Variants in CNTN5 observed in about 807,000 individuals in gnomAD.
CNTN5 encodes the protein contactin 5, also known as contactin-5.
Under a neutral mutation model 129.1 loss-of-function variants are expected in CNTN5, and 77 were observed. That is an observed-to-expected ratio of 0.60 (90% CI 0.50 to 0.72). The LOEUF (loss-of-function observed/expected upper bound fraction) is 0.72, where lower values mean the gene tolerates loss of function less well. Ranked by LOEUF, CNTN5 falls within the 30% of genes least tolerant of loss-of-function variation. The pLI is 0.00. For missense variants in CNTN5, 1,478 were observed against 1,328.8 expected, an observed-to-expected ratio of 1.11 and a Z score of -1.75; for synonymous variants, 509 against 465.6, an observed-to-expected ratio of 1.09 and a Z score of -1.20.
chr11:99,450,281 T>C (rs919990248), intron 2 of CNTN5, among the ~76,000 whole-genome samples: 9 of 150,262 alleles, frequency 6.0e-5, no homozygotes, highest in Non-Finnish European at 8.9e-5. Flanking sequence ...TATATATATA[T>C]ATATGTTTGT....
intron 21 of CNTN5, among the ~76,000 whole-genome samples, chr11:100,336,169 T>C (rs963274327): frequency 4.6e-5 from 7 of 152,216 alleles, no homozygotes; most frequent in Admixed American, 4.6e-4. Flanking sequence ...ATAGACCTTC[T>C]GGCTTTACAA....
intron 9 of CNTN5, among the ~76,000 whole-genome samples, chr11:100,008,982 G>T (rs2137511245): frequency 6.6e-6 from 1 of 152,164 alleles, no homozygotes; most frequent in South Asian, 2.1e-4. Flanking sequence ...TATTAGTGCA[G>T]CTATAATGCA....
chr11:99,389,121 C>T (rs1488378506), intron 2 of CNTN5, among the ~76,000 whole-genome samples: 1 of 148,912 alleles, frequency 6.7e-6, no homozygotes, highest in African/African-American at 2.4e-5. Flanking sequence ...CCTCTGCCTC[C>T]CAGGTTCAAG....
At chr11:99,167,210 T>G (rs1167707822) in intron 1 of CNTN5, among the ~76,000 whole-genome samples, 1 of 152,164 alleles carries the variant, frequency 6.6e-6, no homozygotes, top group Non-Finnish European at 1.5e-5. Context: ...GGGTTCTCTG[T>G]GGTTCTGCTG....
chr11:100,074,308 T>C lies in CNTN5; in HGVS notation c.1580+14T>C. 1 of 1,567,504 alleles carries C rather than the reference T, an allele frequency of 6.4e-7. No individual in the cohort carries two copies. Among genetic ancestry groups the C allele is most frequent in the Non-Finnish European group, 8.7e-7 (1 of 1,155,220 alleles). ...AGAAAACAAAAGGTTAGAATCTATT[T>C]TATAATTCAAGTTCAACATTAGACT... is the stretch of plus-strand genomic sequence containing the variant. On this transcript the variant is annotated intron_variant, in intron 13 of 24. Transcript: ENST00000524871.
At chr11:99,289,527 A>AT (rs1287204562) in intron 1 of CNTN5, among the ~76,000 whole-genome samples, 5 of 151,550 alleles carry the variant, frequency 3.3e-5, no homozygotes, top group African/African-American at 1.2e-4. Context: ...AAAATATGTG[A>AT]TTTTTCCTTT....
chr11:99,213,495 T>C (rs1041934464), intron 1 of CNTN5, among the ~76,000 whole-genome samples: 4 of 148,690 alleles, frequency 2.7e-5, no homozygotes, highest in Admixed American at 2.0e-4. Flanking sequence ...TATATATATA[T>C]ATACACATAT....
At chr11:99,882,848 A>G (rs1406395291) in intron 6 of CNTN5, among the ~76,000 whole-genome samples, 2 of 152,008 alleles carry the variant, frequency 1.3e-5, no homozygotes, top group Non-Finnish European at 2.9e-5. Flanking sequence ...AACCATTCCC[A>G]TGTCCTCTTT....
intron 1 of CNTN5, among the ~76,000 whole-genome samples, chr11:99,240,208 TG>T (rs1861479845): frequency 6.6e-6 from 1 of 152,160 alleles, no homozygotes; most frequent in Non-Finnish European, 1.5e-5. Flanking sequence ...GGCTTTTGCC[TG>T]GGGTTGCCTT....
chr11:99,233,485 G>A (rs771635892), intron 1 of CNTN5, among the ~76,000 whole-genome samples: 5 of 152,078 alleles, frequency 3.3e-5, no homozygotes, highest in African/African-American at 4.8e-5. Context: ...TTCAGATATC[G>A]TCAAATAATA....
intron 3 of CNTN5, among the ~76,000 whole-genome samples, chr11:99,720,767 G>T (rs1042374913): frequency 5.3e-5 from 8 of 152,104 alleles, no homozygotes; most frequent in Non-Finnish European, 1.0e-4. Context: ...TTGGACAAAA[G>T]CTCCTTCAGT....
intron 15 of CNTN5, among the ~76,000 whole-genome samples, chr11:100,206,758 C>T (rs551059022): frequency 9.9e-5 from 15 of 152,184 alleles, no homozygotes; most frequent in African/African-American, 3.4e-4. Context: ...CTTCCTTTCA[C>T]ATTTATTCTC....
chr11:99,929,106 CA>C (rs1279040433), intron 7 of CNTN5, among the ~76,000 whole-genome samples: 1 of 152,148 alleles, frequency 6.6e-6, no homozygotes, highest in Non-Finnish European at 1.5e-5. Flanking sequence ...TAAAACATAG[CA>C]AGAGTCACCT....
intron 3 of CNTN5, among the ~76,000 whole-genome samples, chr11:99,738,616 C>CGTGTGT (rs113729274): frequency 0.011 from 1,610 of 143,234 alleles, 15 homozygotes; most frequent in South Asian, 0.018. Flanking sequence ...AAGACAGTAA[C>CGTGTGT]GTGTGTGTGT....
At chr11:99,053,360 A>C (rs1260218365) in intron 1 of CNTN5, among the ~76,000 whole-genome samples, 1 of 151,980 alleles carries the variant, frequency 6.6e-6, no homozygotes, top group African/African-American at 2.4e-5. Context: ...CCAAATGTAC[A>C]TTCTTTTTCT....
chr11:99,099,039 AAC>A (rs1297537126), intron 1 of CNTN5, among the ~76,000 whole-genome samples: 7 of 152,124 alleles, frequency 4.6e-5, no homozygotes, highest in Non-Finnish European at 2.9e-5. Context: ...ACTTCCTTAG[AAC>A]AGATGGACTA....
At chr11:100,068,600 T>C (rs181010429) in intron 10 of CNTN5, among the ~76,000 whole-genome samples, 2 of 152,290 alleles carry the variant, frequency 1.3e-5, no homozygotes, top group Admixed American at 1.3e-4. Context: ...ATATTGTTTG[T>C]GTATCTCATC....
chr11:99,686,438 G>C (rs1827559467), intron 3 of CNTN5, among the ~76,000 whole-genome samples: 1 of 151,840 alleles, frequency 6.6e-6, no homozygotes. Flanking sequence ...TTAGTTCTTT[G>C]ATACAGTTCT....
At chr11:99,112,465 A>C (rs1476013043) in intron 1 of CNTN5, among the ~76,000 whole-genome samples, 1 of 152,120 alleles carries the variant, frequency 6.6e-6, no homozygotes, top group African/African-American at 2.4e-5. Context: ...TTATTAAAAC[A>C]AAAATAATTT....
Sources: gnomAD v4.1 joint callset for allele counts (sites outside exome capture counted in the v4.1 genomes callset) on GRCh38, gnomAD v4.1.1 for gene constraint, MANE v1.5 for transcripts, NCBI Gene and HGNC (gene_info 2026-07-23, HGNC 2026-07-21) for gene names.